The following MAST4 variants were observed in gnomAD, a reference collection of about 807,000 sequenced individuals.
MAST4 encodes microtubule associated serine/threonine kinase family member 4.
In MAST4, 89 loss-of-function variants were observed where a neutral mutation model predicts 162.7. That is an observed-to-expected ratio of 0.55 (90% CI 0.46 to 0.65). The LOEUF is 0.65. Ranked by LOEUF, MAST4 falls within the 30% of genes least tolerant of loss-of-function variation. The pLI is 0.00. For synonymous variants in MAST4, 1,479 were observed against 1,361.1 expected (o/e 1.09, Z -1.91); for missense variants, 3,153 against 3,374.0 (o/e 0.93, Z 1.62).
At chr5:67,009,916 C>T (rs1334991124) in intron 4 of MAST4, among the ~76,000 whole-genome samples, 5 of 151,988 alleles carry the variant, frequency 3.3e-5, no homozygotes, top group Non-Finnish European at 7.4e-5. Context: ...AAGGATATGA[C>T]GTTGATAGAA....
At chr5:67,025,035 T>G (rs1754471699) in intron 4 of MAST4, among the ~76,000 whole-genome samples, 1 of 152,156 alleles carries the variant, frequency 6.6e-6, no homozygotes, top group Admixed American at 6.6e-5. Context: ...TTGTGTGACA[T>G]TGACAAGACA....
At chr5:67,016,536 A>C (rs1331691780) in intron 4 of MAST4, among the ~76,000 whole-genome samples, 1 of 152,198 alleles carries the variant, frequency 6.6e-6, no homozygotes, top group East Asian at 1.9e-4. Flanking sequence ...AGAGTGAAAA[A>C]TAGAAGTAGG....
At chr5:66,695,370 C>G (rs985688882) in intron 1 of MAST4, among the ~76,000 whole-genome samples, 3 of 152,222 alleles carry the variant, frequency 2.0e-5, no homozygotes, top group African/African-American at 7.2e-5. Context: ...TTCCATTGGT[C>G]TATGTGTCTG....
intron 4 of MAST4, among the ~76,000 whole-genome samples, chr5:66,965,086 C>A (rs1314206402): frequency 6.6e-6 from 1 of 151,858 alleles, no homozygotes; most frequent in Non-Finnish European, 1.5e-5. Context: ...AACTTTAGTT[C>A]TACTCTTCTG....
intron 3 of MAST4, among the ~76,000 whole-genome samples, chr5:66,875,087 T>C (rs1761206300): frequency 6.6e-6 from 1 of 152,218 alleles, no homozygotes; most frequent in Non-Finnish European, 1.5e-5. Flanking sequence ...TTTTGAGCCT[T>C]ATTATGCACT....
intron 13 of MAST4, among the ~76,000 whole-genome samples, chr5:67,120,100 A>C (rs1446534770): frequency 6.6e-6 from 1 of 152,210 alleles, no homozygotes; most frequent in Non-Finnish European, 1.5e-5. Context: ...CCAGAGGCCA[A>C]AGGGGAGCAG....
intron 1 of MAST4, among the ~76,000 whole-genome samples, chr5:66,648,086 G>A (rs113003554): frequency 1.1e-5 from 1 of 89,760 alleles, no homozygotes; most frequent in Non-Finnish European, 2.2e-5. Flanking sequence ...GTGTGTGTGA[G>A]AGAGAGAGAG....
At chr5:66,997,600 T>G (rs1363824390) in intron 4 of MAST4, among the ~76,000 whole-genome samples, 1 of 151,914 alleles carries the variant, frequency 6.6e-6, no homozygotes, top group Non-Finnish European at 1.5e-5. Context: ...CCCAGCTAAT[T>G]TTTTGTATTT....
chr5:66,783,782 T>C (rs1386921437), intron 2 of MAST4, among the ~76,000 whole-genome samples: 3 of 152,086 alleles, frequency 2.0e-5, no homozygotes, highest in South Asian at 4.2e-4. Context: ...TACAATATCC[T>C]GTGAGACGTA....
At chr5:66,687,491 T>C (rs1032230533) in intron 1 of MAST4, among the ~76,000 whole-genome samples, 1 of 151,892 alleles carries the variant, frequency 6.6e-6, no homozygotes, top group Non-Finnish European at 1.5e-5. Context: ...TACATACATA[T>C]ATGTATATGT....
chr5:66,598,985 G>A (rs1182323865), intron 1 of MAST4, among the ~76,000 whole-genome samples: 2 of 152,178 alleles, frequency 1.3e-5, no homozygotes, highest in Admixed American at 6.5e-5. Flanking sequence ...TAAATAACAT[G>A]GGTCACTATT....
At chr5:66,700,066 AGCC>A (rs1240437203) in intron 1 of MAST4, among the ~76,000 whole-genome samples, 2 of 152,164 alleles carry the variant, frequency 1.3e-5, no homozygotes, top group Admixed American at 1.3e-4. Flanking sequence ...TGTTGACTGC[AGCC>A]CAGTGTCTTC....
intron 4 of MAST4, among the ~76,000 whole-genome samples, chr5:66,960,835 T>G (rs543324519): frequency 1.6e-4 from 25 of 152,338 alleles, no homozygotes; most frequent in Admixed American, 5.2e-4. Flanking sequence ...AACATTCCAT[T>G]TTATGATTAG....
chr5:67,149,710 C>CAGGA (rs1253568998), intron 24 of MAST4, 121 bp downstream of exon 24: 1 of 988,426 alleles, frequency 1.0e-6, no homozygotes, highest in African/African-American at 1.6e-5. Context: ...GGTCATGTCC[C>CAGGA]AGGACAGCTC....
intron 3 of MAST4, among the ~76,000 whole-genome samples, chr5:66,866,140 A>G (rs1760503617): frequency 6.6e-6 from 1 of 151,748 alleles, no homozygotes. Context: ...AAGTATTGGC[A>G]AGTATTATTT....
In MAST4 at chr5:67,166,905, C is replaced by G; in HGVS notation, c.7726C>G (p.Gln2576Glu). 2.5e-6 allele frequency: 4 copies of G among 1,611,502 alleles called. No homozygotes were observed. Among genetic ancestry groups the G allele is most frequent in the Non-Finnish European group, 3.4e-6 (4 of 1,179,160 alleles). ...AGCCCAGCCTCCCCCAGCTAGGAAA[C>G]AGAACGTGGGCAGAGACGTGACCAA... ...APAQPPPARK[Q>E]NVGRDVTKPS... is the part of the protein sequence containing the mutation. Residue 2576 changes from glutamine to glutamate, a missense_variant, in exon 29 of 29, where the codon CAG (glutamine) becomes GAG (glutamate). Gln to Glu is a conservative substitution (Grantham distance 29). This residue lies in a region of MAST4 where 1,644 missense variants were observed against 1,495.0 expected (regional missense o/e 1.10). Transcript: ENST00000403625.
intron 1 of MAST4, among the ~76,000 whole-genome samples, chr5:66,739,332 T>A (rs1752349134): frequency 6.6e-6 from 1 of 152,240 alleles, no homozygotes; most frequent in Non-Finnish European, 1.5e-5. Context: ...GCAGTCATTC[T>A]TGTTTCCTTG....
intron 3 of MAST4, among the ~76,000 whole-genome samples, chr5:66,829,144 A>G: frequency 6.6e-6 from 1 of 151,756 alleles, no homozygotes; most frequent in Non-Finnish European, 1.5e-5. Flanking sequence ...ATTCAAGAAT[A>G]GTTAAATTGT....
intron 1 of MAST4, among the ~76,000 whole-genome samples, chr5:66,701,875 C>T (rs1395175428): frequency 6.6e-6 from 1 of 152,094 alleles, no homozygotes; most frequent in Non-Finnish European, 1.5e-5. Context: ...GAGGACTATA[C>T]TCTACCTAAA....
Sources: gnomAD v4.1 joint callset for allele counts (sites outside exome capture counted in the v4.1 genomes callset) on GRCh38, gnomAD v4.1.1 for gene constraint, gnomAD v4.1.1 regional missense constraint, MANE v1.5 for transcripts, NCBI Gene and HGNC (gene_info 2026-07-23, HGNC 2026-07-21) for gene names.